Variants in MRTFB observed in about 807,000 individuals in gnomAD.
The protein encoded by MRTFB is myocardin-related transcription factor B.
A neutral mutation model predicts 104.2 loss-of-function variants in MRTFB; 29 were observed. That is an observed-to-expected ratio of 0.28 (90% confidence interval 0.21 to 0.38). MRTFB has a LOEUF of 0.38. MRTFB is among the 10% of genes least tolerant of loss of function. The pLI is 1.00. For missense variants in MRTFB, 1,270 were observed against 1,341.6 expected (o/e 0.95, Z 0.83); for synonymous variants, 535 against 519.5 (o/e 1.03, Z -0.41).
At chr16:14,112,411 G>A (rs2036319509) in intron 2 of MRTFB, among the ~76,000 whole-genome samples, 1 of 152,148 alleles carries the variant, frequency 6.6e-6, no homozygotes, top group African/African-American at 2.4e-5. Context: ...AAAGCTGAGG[G>A]CTCCAGAGAG....
At chr16:14,175,804 G>T (rs1017928333) in intron 3 of MRTFB, among the ~76,000 whole-genome samples, 1 of 152,144 alleles carries the variant, frequency 6.6e-6, no homozygotes, top group African/African-American at 2.4e-5. Context: ...CACCGATGAG[G>T]TGCAACAATG....
At chr16:14,128,956 A>T (rs1056964833) in intron 2 of MRTFB, among the ~76,000 whole-genome samples, 48 of 152,356 alleles carry the variant, frequency 3.2e-4, no homozygotes, top group African/African-American at 1.1e-3. Context: ...CACTCCTGGC[A>T]GCCACTACTC....
chr16:14,006,943 A>G, the MRTFB span, among the ~76,000 whole-genome samples: 1 of 152,008 alleles, frequency 6.6e-6, no homozygotes, highest in Non-Finnish European at 1.5e-5. Flanking sequence ...CTTGAGCTCA[A>G]GAGTTCAAGG....
chr16:14,071,259 G>C (rs1449200446), upstream of MRTFB: 3 of 153,730 alleles, frequency 2.0e-5, no homozygotes, highest in Non-Finnish European at 4.4e-5. Flanking sequence ...GCCGCTTCTA[G>C]CCTGGGGTCC....
At chr16:14,063,043 G>A in the MRTFB span, among the ~76,000 whole-genome samples, 23 of 152,144 alleles carry the variant, frequency 1.5e-4, no homozygotes, top group African/African-American at 4.6e-4. Context: ...TATCTTCTCC[G>A]GGGTGCCCGG....
intron 13 of MRTFB, among the ~76,000 whole-genome samples, chr16:14,251,592 A>G (rs1362654551): frequency 6.6e-6 from 1 of 152,206 alleles, no homozygotes; most frequent in Non-Finnish European, 1.5e-5. Context: ...CTGTGGGCCA[A>G]ATCTAACCCA....
At chr16:14,055,233 C>A in the MRTFB span, among the ~76,000 whole-genome samples, 1 of 152,206 alleles carries the variant, frequency 6.6e-6, no homozygotes, top group African/African-American at 2.4e-5. Flanking sequence ...TGCCTGTAAT[C>A]CCAGCTACTA....
At chr16:14,245,787 C>G (rs922213614) in intron 11 of MRTFB, 127 bp downstream of exon 11, 8 of 1,072,320 alleles carry the variant, frequency 7.5e-6, no homozygotes, top group Non-Finnish European at 1.1e-5. Flanking sequence ...ATATGATAAT[C>G]TTTATAAAAG....
At chr16:14,118,873 T>A (rs1212347281) in intron 2 of MRTFB, among the ~76,000 whole-genome samples, 1 of 152,140 alleles carries the variant, frequency 6.6e-6, no homozygotes, top group Non-Finnish European at 1.5e-5. Context: ...TGGCTTGCTT[T>A]TTTCATTTAG....
the MRTFB span, among the ~76,000 whole-genome samples, chr16:14,060,950 T>G: frequency 1.2e-4 from 18 of 152,148 alleles, no homozygotes; most frequent in East Asian, 1.9e-3. Context: ...ATCGAGACCA[T>G]CCTGGCTAAC....
chr16:14,046,336 A>G, the MRTFB span, among the ~76,000 whole-genome samples: 1 of 152,064 alleles, frequency 6.6e-6, no homozygotes, highest in Non-Finnish European at 1.5e-5. Flanking sequence ...AAAAATATAC[A>G]TATATATTTT....
intron 16 of MRTFB, among the ~76,000 whole-genome samples, chr16:14,259,070 A>C (rs904820914): frequency 1.0e-5 from 1 of 98,466 alleles, no homozygotes; most frequent in Non-Finnish European, 2.2e-5. Context: ...GACATAGAGA[A>C]TTGATATTTG....
intron 15 of MRTFB, 44 bp from the exon 16 acceptor site, chr16:14,258,057 G>A (rs1251916995): frequency 2.0e-6 from 3 of 1,534,036 alleles, no homozygotes; most frequent in Middle Eastern, 1.7e-4. Context: ...AATGCTTCCA[G>A]GTTTGTATGA....
intron 9 of MRTFB, among the ~76,000 whole-genome samples, chr16:14,235,039 G>A (rs1324247327): frequency 2.0e-5 from 3 of 152,170 alleles, no homozygotes; most frequent in African/African-American, 7.2e-5. Flanking sequence ...CAGATGGGGA[G>A]ACTGAGGCCC....
At chr16:14,254,603 G>C (rs1464073955) in intron 15 of MRTFB, among the ~76,000 whole-genome samples, 2 of 152,260 alleles carry the variant, frequency 1.3e-5, no homozygotes, top group Non-Finnish European at 2.9e-5. Context: ...TGGACGCTTA[G>C]CAGCTCAGCT....
chr16:14,218,573 C>T (rs2041536034), intron 7 of MRTFB, among the ~76,000 whole-genome samples: 1 of 152,018 alleles, frequency 6.6e-6, no homozygotes, highest in Non-Finnish European at 1.5e-5. Context: ...AGATTCCTGG[C>T]GCTTGTACTT....
the MRTFB span, among the ~76,000 whole-genome samples, chr16:14,060,947 C>T: frequency 5.3e-5 from 8 of 152,212 alleles, no homozygotes; most frequent in South Asian, 2.1e-4. Flanking sequence ...GAGATCGAGA[C>T]CATCCTGGCT....
chr16:14,142,046 G>C (rs1285268716), intron 3 of MRTFB: 3 of 151,310 alleles, frequency 2.0e-5, no homozygotes, highest in Non-Finnish European at 4.4e-5. Flanking sequence ...TCACCATGTT[G>C]GTCAGGCTGG....
At chr16:14,115,945 G>A (rs1307112491) in intron 2 of MRTFB, among the ~76,000 whole-genome samples, 1 of 152,142 alleles carries the variant, frequency 6.6e-6, no homozygotes, top group African/African-American at 2.4e-5. Flanking sequence ...GATCACAGGG[G>A]CCTCCTCCCA....
Sources: allele counts gnomAD v4.1 joint callset (sites outside exome capture counted in the v4.1 genomes callset), GRCh38; gene constraint gnomAD v4.1.1; transcripts MANE v1.5; gene names NCBI Gene and HGNC (gene_info 2026-07-23, HGNC 2026-07-21).